Variants in CNOT2 observed in about 807,000 individuals in gnomAD.
CNOT2 encodes CCR4-NOT transcription complex subunit 2.
In CNOT2, 7 loss-of-function variants were observed where a neutral mutation model predicts 72.1. The observed-to-expected ratio is 0.10, with a 90% CI of 0.06 to 0.18. CNOT2 has a LOEUF of 0.18. CNOT2 is among the 10% of genes least tolerant of loss of function. The pLI is 1.00. For synonymous variants in CNOT2, 196 were observed against 225.6 expected (o/e 0.87, Z 1.17); for missense variants, 345 against 660.3 (o/e 0.52, Z 5.23).
intron 2 of CNOT2, among the ~76,000 whole-genome samples, chr12:70,303,738 T>G (rs1874597076): frequency 6.6e-6 from 1 of 152,210 alleles, no homozygotes; most frequent in Non-Finnish European, 1.5e-5. Flanking sequence ...GAGTCCTCTC[T>G]ATTTCCTGAA....
intron 2 of CNOT2, among the ~76,000 whole-genome samples, chr12:70,283,985 G>A (rs946968304): frequency 1.1e-4 from 16 of 140,976 alleles, no homozygotes; most frequent in Non-Finnish European, 2.1e-4. Context: ...TGCCCAGGCT[G>A]GAGTGCAGTG....
At chr12:70,253,205 A>T (rs1289731561) in intron 1 of CNOT2, among the ~76,000 whole-genome samples, 1 of 152,246 alleles carries the variant, frequency 6.6e-6, no homozygotes, top group East Asian at 1.9e-4. Context: ...TAGGATTCAG[A>T]CAGACTGGTG....
intron 3 of CNOT2, among the ~76,000 whole-genome samples, chr12:70,316,854 T>C (rs1485906596): frequency 2.0e-5 from 3 of 152,166 alleles, no homozygotes; most frequent in African/African-American, 7.2e-5. Flanking sequence ...CCCAGGCATA[T>C]CTGTAACTCA....
At chr12:70,278,360 G>GCTGGTT in intron 2 of CNOT2, 86 bp downstream of exon 2, 1 of 989,248 alleles carries the variant, frequency 1.0e-6, no homozygotes, top group Non-Finnish European at 1.6e-6. Flanking sequence ...ATTGGAACCA[G>GCTGGTT]CAAATTGGTT....
intron 1 of CNOT2, among the ~76,000 whole-genome samples, chr12:70,277,485 C>A (rs1041459802): frequency 2.0e-5 from 3 of 151,960 alleles, no homozygotes; most frequent in Non-Finnish European, 4.4e-5. Context: ...AAAGTGAATT[C>A]CCTATTGGAG....
chr12:70,311,131 A>G (rs2135956749), intron 3 of CNOT2, 114 bp downstream of exon 3: 1 of 716,976 alleles, frequency 1.4e-6, no homozygotes, highest in Non-Finnish European at 2.4e-6. Context: ...CAATCTTTTC[A>G]GCACAGTGCT....
At chr12:70,294,331 T>C (rs1419389576) in intron 2 of CNOT2, 4 of 1,276,170 alleles carry the variant, frequency 3.1e-6, no homozygotes, top group Middle Eastern at 2.2e-4. Flanking sequence ...GGAAAAATGG[T>C]ACTGTCATCA....
intron 15 of CNOT2, among the ~76,000 whole-genome samples, chr12:70,352,538 T>C (rs931687707): frequency 3.3e-5 from 5 of 152,210 alleles, no homozygotes; most frequent in Non-Finnish European, 7.3e-5. Context: ...ATACTCATCA[T>C]GGAATCAGTT....
At chr12:70,303,592 A>C (rs1204187468) in intron 2 of CNOT2, among the ~76,000 whole-genome samples, 1 of 152,174 alleles carries the variant, frequency 6.6e-6, no homozygotes, top group East Asian at 1.9e-4. Flanking sequence ...ATCAGCTTTT[A>C]GTCCGATGGG....
At chr12:70,338,592 T>C in intron 10 of CNOT2, 29 bp downstream of exon 10, 1 of 1,599,566 alleles carries the variant, frequency 6.3e-7, no homozygotes. Context: ...ATGTCAAAGA[T>C]ATTATAGAAT....
intron 15 of CNOT2, among the ~76,000 whole-genome samples, chr12:70,346,885 G>A (rs949972674): frequency 6.0e-5 from 9 of 150,950 alleles, no homozygotes; most frequent in African/African-American, 1.7e-4. Context: ...TCACTTAAAC[G>A]CCTTTCTAAC....
At chr12:70,311,702 A>G (rs528064339) in intron 3 of CNOT2, among the ~76,000 whole-genome samples, 18 of 152,144 alleles carry the variant, frequency 1.2e-4, no homozygotes, top group South Asian at 6.2e-4. Flanking sequence ...TTTAAATTAT[A>G]CAATGTACTC....
At chr12:70,332,910 T>C (rs1880162847) in intron 7 of CNOT2, 64 bp downstream of exon 7, 1 of 1,480,528 alleles carries the variant, frequency 6.8e-7, no homozygotes, top group South Asian at 1.5e-5. Context: ...TATAAAGCAA[T>C]TCAACATACT....
At chr12:70,349,347 C>G (rs990377454) in intron 15 of CNOT2, among the ~76,000 whole-genome samples, 2 of 152,078 alleles carry the variant, frequency 1.3e-5, no homozygotes, top group East Asian at 1.9e-4. Context: ...AGTGGGTGTG[C>G]CTTACTATTC....
At chr12:70,285,004 TC>T (rs1218134372) in intron 2 of CNOT2, among the ~76,000 whole-genome samples, 2 of 151,900 alleles carry the variant, frequency 1.3e-5, no homozygotes, top group Non-Finnish European at 2.9e-5. Flanking sequence ...GCTCTGGTGT[TC>T]CTTTTGGCAA....
chr12:70,264,332 G>T (rs570448502), intron 1 of CNOT2, among the ~76,000 whole-genome samples: 1 of 152,068 alleles, frequency 6.6e-6, no homozygotes, highest in Admixed American at 6.5e-5. Context: ...CCATATTTTT[G>T]AGGGTACCCT....
At chr12:70,305,299 G>A (rs531309947) in intron 2 of CNOT2, among the ~76,000 whole-genome samples, 4 of 152,222 alleles carry the variant, frequency 2.6e-5, no homozygotes, top group African/African-American at 9.6e-5. Flanking sequence ...GTTCCTATTC[G>A]GCCATCTTGG....
intron 4 of CNOT2, chr12:70,321,847 C>CTAGA (rs779729517): frequency 1.3e-5 from 2 of 150,858 alleles, no homozygotes; most frequent in Non-Finnish European, 2.9e-5. Flanking sequence ...TTAGATTTGG[C>CTAGA]TAGATTTGGG....
Position 70,338,652 on chromosome 12 carries a change from T to G in CNOT2, c.1022-14T>G, listed in dbSNP as rs769567356. 3 of 1,604,058 alleles carry G rather than the reference T, an allele frequency of 1.9e-6. No individual in the cohort carries two copies. The highest frequency in any genetic ancestry group is 3.5e-5 in the Admixed American group (2 of 57,388). On this transcript the variant is annotated splice_polypyrimidine_tract_variant and intron_variant, in intron 10 of 15. Transcript: ENST00000229195. ...TTTCTTGAAAATAAAAGCAACTGTG[T>G]TTTTCCTACCCAGGTCGGGTTACTA...
Sources: gnomAD v4.1 joint callset for allele counts (sites outside exome capture counted in the v4.1 genomes callset) on GRCh38, gnomAD v4.1.1 for gene constraint, MANE v1.5 for transcripts, NCBI Gene and HGNC (gene_info 2026-07-23, HGNC 2026-07-21) for gene names.